IGSF11: variants seen among roughly 807,000 people sequenced by gnomAD.
IGSF11 encodes the protein immunoglobulin superfamily member 11.
In IGSF11, 22 loss-of-function variants were observed where a neutral mutation model predicts 41.0. That is an observed-to-expected ratio of 0.54 (90% confidence interval 0.38 to 0.77). IGSF11 has a LOEUF of 0.77. Ranked by LOEUF, IGSF11 falls within the 30% of genes least tolerant of loss-of-function variation. The pLI, the probability that IGSF11 is intolerant of heterozygous loss-of-function variation, is 0.00. For synonymous variants in IGSF11, 219 were observed against 201.3 expected (o/e 1.09, Z -0.74); for missense variants, 444 against 530.8 (o/e 0.84, Z 1.61).
intron 1 of IGSF11, among the ~76,000 whole-genome samples, chr3:118,996,436 TCTTATAC>T (rs1455686678): frequency 6.6e-6 from 1 of 152,192 alleles, no homozygotes; most frequent in East Asian, 1.9e-4. Context: ...GCCACCATCA[TCTTATAC>T]CTTGATTTCT....
intron 1 of IGSF11, among the ~76,000 whole-genome samples, chr3:119,069,586 G>T (rs556728999): frequency 2.0e-5 from 3 of 152,088 alleles, no homozygotes; most frequent in African/African-American, 7.2e-5. Context: ...CAAGTAGCAG[G>T]GTAGGTGATA....
intron 1 of IGSF11, among the ~76,000 whole-genome samples, chr3:119,072,590 G>A (rs2076417503): frequency 1.3e-5 from 2 of 152,168 alleles, no homozygotes; most frequent in African/African-American, 4.8e-5. Context: ...GGCTTCAGGA[G>A]TGAAGCCGCA....
intron 1 of IGSF11, among the ~76,000 whole-genome samples, chr3:118,960,036 C>A (rs1945234988): frequency 6.8e-6 from 1 of 146,792 alleles, no homozygotes; most frequent in Admixed American, 6.8e-5. Flanking sequence ...CACAGCGAGA[C>A]TCCGTCTCAA....
At chr3:119,058,808 G>C (rs572166122) in intron 1 of IGSF11, among the ~76,000 whole-genome samples, 20 of 152,310 alleles carry the variant, frequency 1.3e-4, no homozygotes, top group East Asian at 9.6e-4. Flanking sequence ...AAAATGATGA[G>C]TTCATGTCCT....
chr3:118,910,057 C>A (rs777986928), intron 4 of IGSF11, among the ~76,000 whole-genome samples: 2 of 152,140 alleles, frequency 1.3e-5, no homozygotes, highest in Non-Finnish European at 2.9e-5. Flanking sequence ...CAAGCAAGAC[C>A]AACTAATTAG....
chr3:119,004,601 G>C (rs1217628225), intron 1 of IGSF11, among the ~76,000 whole-genome samples: 4 of 143,580 alleles, frequency 2.8e-5, no homozygotes, highest in African/African-American at 1.1e-4. Flanking sequence ...TGGGCATTTA[G>C]TGCTATAAAT....
At chr3:119,091,942 T>G (rs1229531937) in intron 1 of IGSF11, among the ~76,000 whole-genome samples, 1 of 149,958 alleles carries the variant, frequency 6.7e-6, no homozygotes, top group African/African-American at 2.4e-5. Context: ...AAAGAAAATG[T>G]TTTTGTATAA....
intron 1 of IGSF11, among the ~76,000 whole-genome samples, chr3:119,098,008 T>C (rs1347984971): frequency 7.0e-6 from 1 of 143,386 alleles, no homozygotes; most frequent in East Asian, 2.0e-4. Flanking sequence ...CTTGCCATGT[T>C]GCCCAGGCCT....
chr3:118,931,509 G>A (rs1378122197), intron 1 of IGSF11, among the ~76,000 whole-genome samples: 1 of 152,138 alleles, frequency 6.6e-6, no homozygotes, highest in Non-Finnish European at 1.5e-5. Flanking sequence ...CTTACAACAT[G>A]CACGAGCCTC....
Position 119,012,029 on chromosome 3 carries a change from C to CAG in IGSF11, c.52+22500_52+22501dup, listed in dbSNP as rs766318248. Among the ~76,000 whole-genome samples the CAG allele has an allele frequency of 5.1e-4, 76 of 148,402 alleles. 1 individual carries two copies. The highest frequency in any genetic ancestry group is 2.0e-3 in the East Asian group (10 of 5,084). On this transcript the variant is annotated intron_variant, in intron 1 of 6. Transcript: ENST00000393775. ...TCTAGCAATATAGTGTACACACACA[C>CAG]AGAGAGAGAGAGAGAGCGTGAGTGC...
chr3:118,989,049 A>G (rs531697076), intron 1 of IGSF11, among the ~76,000 whole-genome samples: 37 of 152,332 alleles, frequency 2.4e-4, no homozygotes, highest in Admixed American at 6.5e-4. Context: ...GCTACCCTTA[A>G]TTCATTCAAC....
intron 1 of IGSF11, among the ~76,000 whole-genome samples, chr3:118,945,266 A>C (rs1272783422): frequency 6.6e-6 from 1 of 152,230 alleles, no homozygotes; most frequent in African/African-American, 2.4e-5. Context: ...TAATCGTCCC[A>C]GTAGCATCAA....
In IGSF11 at chr3:118,986,694, C is replaced by A. The variant is rs530120035; in HGVS notation, c.52+47837G>T. 3.3e-5 allele frequency among the ~76,000 whole-genome samples: 5 copies of A among 152,180 alleles called. No homozygotes were observed. In the East Asian group the frequency reaches 9.7e-4, roughly 29 times the overall value. ...ACTACAGCTTAGAGGGGATAGTAAA[C>A]CCTTCCAGGATTTTCTAGCTGGAAA... On this transcript the variant is annotated intron_variant, in intron 1 of 6. Transcript: ENST00000393775.
chr3:118,972,921 C>G (rs921912231), intron 1 of IGSF11, among the ~76,000 whole-genome samples: 30 of 152,162 alleles, frequency 2.0e-4, no homozygotes, highest in African/African-American at 7.0e-4. Flanking sequence ...TCAGGTAATG[C>G]CAGAACCTGG....
chr3:118,902,526 C>G lies in IGSF11; in HGVS notation c.1290G>C (p.Leu430Phe), dbSNP rs1257862631. Residue 430 changes from leucine (L) to phenylalanine (F), a missense_variant, in exon 7 of 7, where the codon TTG becomes TTC. Transcript: ENST00000393775. Reference protein sequence around the residue: ...MVPAQSRAGSLV With the variant: ...MVPAQSRAGSFV ...CACAACATTTCCTCATGTCCTATAC[C>G]AAGGACCCGGCCCGACTCTGGGCTG... 1 of 1,367,146 alleles carries G rather than the reference C, an allele frequency of 7.3e-7. No individual in the cohort carries two copies. Among genetic ancestry groups the G allele is most frequent in the South Asian group, 1.1e-5 (1 of 87,980 alleles). 84.7% of individuals were successfully genotyped at this position (1,367,146 alleles called of 1,614,324 possible).
intron 1 of IGSF11, among the ~76,000 whole-genome samples, chr3:119,101,769 T>C (rs1576799714): frequency 2.0e-5 from 3 of 152,322 alleles, no homozygotes; most frequent in Non-Finnish European, 2.9e-5. Flanking sequence ...ACCCTAAATG[T>C]ATAACACATT....
At chr3:119,135,408 G>C (rs1388025862) in intron 1 of IGSF11, among the ~76,000 whole-genome samples, 1 of 152,176 alleles carries the variant, frequency 6.6e-6, no homozygotes, top group Admixed American at 6.5e-5. Context: ...CAAAGGATAT[G>C]AACAGACACT....
chr3:119,068,914 T>TTC (rs891312978), intron 1 of IGSF11, among the ~76,000 whole-genome samples: 3 of 82,684 alleles, frequency 3.6e-5, no homozygotes, highest in East Asian at 3.4e-4. Context: ...AATGGTTATT[T>TTC]TCTTTTTTTT....
At chr3:119,036,859 A>G (rs1179098085), upstream of IGSF11, among the ~76,000 whole-genome samples, 1 of 152,200 alleles carries the variant, frequency 6.6e-6, no homozygotes, top group African/African-American at 2.4e-5. Flanking sequence ...GACAATGCTC[A>G]CAGTTCAGTA....
Sources: allele counts gnomAD v4.1 joint callset (sites outside exome capture counted in the v4.1 genomes callset), GRCh38; gene constraint gnomAD v4.1.1; transcripts MANE v1.5; gene names NCBI Gene and HGNC (gene_info 2026-07-23, HGNC 2026-07-21).